Variants in CUX1 observed in about 807,000 individuals in gnomAD.
The protein encoded by CUX1 is protein CASP.
Under a neutral mutation model 158.8 loss-of-function variants are expected in CUX1, and 31 were observed. That is an observed-to-expected ratio of 0.20 (90% CI 0.15 to 0.26). CUX1 has a LOEUF of 0.26. Among genes scored for constraint, CUX1 ranks in the 10% least tolerant of loss-of-function variants. The pLI is 1.00. For synonymous variants in CUX1, 879 were observed against 862.1 expected (o/e 1.02, Z -0.34); for missense variants, 1,589 against 2,014.6 (o/e 0.79, Z 4.04).
At chr7:101,930,264 G>A (rs1041575653) in intron 2 of CUX1, among the ~76,000 whole-genome samples, 1 of 152,100 alleles carries the variant, frequency 6.6e-6, no homozygotes, top group African/African-American at 2.4e-5. Context: ...ATATGTCAGG[G>A]GGAATGTTTT....
chr7:102,171,937 A>G (rs1791760339), intron 10 of CUX1, among the ~76,000 whole-genome samples: 1 of 152,260 alleles, frequency 6.6e-6, no homozygotes, highest in African/African-American at 2.4e-5. Context: ...CCCTTGCCGT[A>G]TGCTAGGGCT....
upstream of CUX1, among the ~76,000 whole-genome samples, chr7:101,816,640 C>CG (rs1005417936): frequency 1.4e-5 from 2 of 144,100 alleles, no homozygotes; most frequent in African/African-American, 4.9e-5. Context: ...GGAGTTGCTG[C>CG]GGGGGGTGAA....
intron 8 of CUX1, among the ~76,000 whole-genome samples, chr7:102,131,057 C>T (rs1358145826): frequency 6.8e-6 from 1 of 146,128 alleles, no homozygotes; most frequent in Non-Finnish European, 1.5e-5. Context: ...GCTGAGTCAG[C>T]GAGATCATGC....
In CUX1 at chr7:102,115,285, T is replaced by A. The variant is rs1554491468; in HGVS notation, c.674+12T>A. 1 of 1,606,444 alleles carries A rather than the reference T, an allele frequency of 6.2e-7. No homozygotes were observed. Reference sequence around the variant, plus strand: ...GAAACTACTGCAAAGTAAGTCTCTCTGCTTGGCCTCCCTTATCCGTACACA... The same window carrying A: ...GAAACTACTGCAAAGTAAGTCTCTCAGCTTGGCCTCCCTTATCCGTACACA... On this transcript the variant is annotated intron_variant, in intron 8 of 23. Transcript: ENST00000292535.
intron 23 of CUX1, among the ~76,000 whole-genome samples, chr7:102,246,031 T>TCA (rs1800772853): frequency 1.3e-5 from 2 of 152,028 alleles, no homozygotes; most frequent in African/African-American, 4.8e-5. Context: ...GCTATGGCTA[T>TCA]GAGGTTAAAT....
chr7:102,054,971 C>CAA (rs995738401), intron 3 of CUX1, among the ~76,000 whole-genome samples: 1 of 126,102 alleles, frequency 7.9e-6, no homozygotes, highest in Non-Finnish European at 1.7e-5. Flanking sequence ...ACCCTGTCTC[C>CAA]AAAAAAAAAA....
chr7:101,949,449 A>T (rs1416040836), intron 2 of CUX1, among the ~76,000 whole-genome samples: 1 of 151,114 alleles, frequency 6.6e-6, no homozygotes, highest in Non-Finnish European at 1.5e-5. Context: ...TCATTATTTA[A>T]TCTCCTCATC....
chr7:102,178,473 A>T lies in CUX1; in HGVS notation c.833A>T (p.Gln278Leu). Residue 278 changes from glutamine (Q) to leucine (L), a missense_variant, in exon 11 of 24, where the codon CAG (glutamine) becomes CTG (leucine). This residue lies in a region of CUX1 where 515 missense variants were observed against 574.4 expected (regional missense o/e 0.90). Coordinates refer to ENST00000292535, the MANE Select transcript of CUX1 (RefSeq NM_181552.4). ...CATCTCTTTTCTCCTCCCCAGGAGC[A>T]GGCCATAGAGGTGCTGACCCGCTCC... is the stretch of plus-strand genomic sequence containing the variant. ...SQIQKAPDVE[Q>L]AIEVLTRSSL... The T allele has an allele frequency of 6.3e-7, 1 of 1,592,810 alleles. No homozygotes were observed. The highest frequency in any genetic ancestry group is 8.6e-7 in the Non-Finnish European group (1 of 1,163,572).
intron 2 of CUX1, among the ~76,000 whole-genome samples, chr7:101,988,865 G>A (rs894254565): frequency 6.6e-6 from 1 of 152,188 alleles, no homozygotes; most frequent in Non-Finnish European, 1.5e-5. Context: ...CAAGTGTGGT[G>A]GCATGCACCT....
At chr7:101,987,367 C>G (rs895985988) in intron 2 of CUX1, among the ~76,000 whole-genome samples, 1 of 152,180 alleles carries the variant, frequency 6.6e-6, no homozygotes, top group Non-Finnish European at 1.5e-5. Flanking sequence ...TCAGATACTT[C>G]CACGGTAATG....
intron 2 of CUX1, among the ~76,000 whole-genome samples, chr7:102,022,151 G>A (rs7799663): frequency 0.12 from 18,800 of 152,106 alleles, 1,230 homozygotes; most frequent in Non-Finnish European, 0.15. Flanking sequence ...TACGACTCCC[G>A]CTCGTACGTT....
intron 8 of CUX1, among the ~76,000 whole-genome samples, chr7:102,123,952 C>T (rs999031955): frequency 1.3e-5 from 2 of 152,188 alleles, no homozygotes; most frequent in Non-Finnish European, 2.9e-5. Flanking sequence ...CATGAGCCAC[C>T]GCGCCTGGCC....
chr7:102,259,188 C>T (rs1238638082), downstream of CUX1, among the ~76,000 whole-genome samples: 3 of 152,238 alleles, frequency 2.0e-5, no homozygotes, highest in Non-Finnish European at 4.4e-5. Flanking sequence ...CCCCCAGTGC[C>T]AGGTGCCCTC....
intron 20 of CUX1, among the ~76,000 whole-genome samples, chr7:102,214,113 CAA>C (rs1290625056): frequency 1.3e-5 from 2 of 151,974 alleles, no homozygotes; most frequent in East Asian, 3.9e-4. Context: ...GCCTGGGCAA[CAA>C]GAGCAAAACT....
At chr7:102,194,296 A>G (rs1794572255) in intron 13 of CUX1, 1 of 172,736 alleles carries the variant, frequency 5.8e-6, no homozygotes, top group South Asian at 1.5e-4. Flanking sequence ...ATAAAAAACA[A>G]TTTCAGATTG....
intron 23 of CUX1, among the ~76,000 whole-genome samples, chr7:102,240,716 T>C (rs1256234325): frequency 6.6e-6 from 1 of 152,214 alleles, no homozygotes; most frequent in Non-Finnish European, 1.5e-5. Flanking sequence ...AGATTGAGCA[T>C]CTTCTAGATC....
At chr7:102,258,983 T>C (rs1325841723), downstream of CUX1, among the ~76,000 whole-genome samples, 1 of 152,136 alleles carries the variant, frequency 6.6e-6, no homozygotes, top group Non-Finnish European at 1.5e-5. Flanking sequence ...GTTGCTCGTC[T>C]TGGGTTGGAA....
chr7:102,193,735 G>T, intron 12 of CUX1, 107 bp from the exon 13 acceptor site: 2 of 1,114,066 alleles, frequency 1.8e-6, no homozygotes, highest in Non-Finnish European at 1.3e-6. Flanking sequence ...AACCTGGGCA[G>T]AGGTTGCAGT....
intron 1 of CUX1, among the ~76,000 whole-genome samples, chr7:101,840,365 G>A (rs1387479868): frequency 6.6e-6 from 1 of 151,996 alleles, no homozygotes; most frequent in Non-Finnish European, 1.5e-5. Context: ...GGAGATTTTT[G>A]GTAGAAGGTT....
Sources: gnomAD v4.1 joint callset for allele counts (sites outside exome capture counted in the v4.1 genomes callset) on GRCh38, gnomAD v4.1.1 for gene constraint, gnomAD v4.1.1 regional missense constraint, MANE v1.5 for transcripts, NCBI Gene and HGNC (gene_info 2026-07-23, HGNC 2026-07-21) for gene names.